The following STK32B variants were observed in gnomAD, a reference collection of about 807,000 sequenced individuals.
STK32B encodes serine/threonine-protein kinase 32B.
Under a neutral mutation model 52.6 loss-of-function variants are expected in STK32B, and 43 were observed. The ratio of observed to expected loss-of-function variants is 0.82; its 90% CI spans 0.64 to 1.05. STK32B has a LOEUF of 1.05. STK32B is among the 50% of genes least tolerant of loss of function. STK32B has a pLI of 0.00. For missense variants in STK32B, 621 were observed against 534.6 expected (o/e 1.16, Z -1.59); for synonymous variants, 238 against 204.3 (o/e 1.17, Z -1.41).
intron 5 of STK32B, among the ~76,000 whole-genome samples, chr4:5,412,972 ACTCCTTCCCTTTTT>A (rs1332843251): frequency 6.7e-6 from 1 of 150,020 alleles, no homozygotes; most frequent in African/African-American, 2.5e-5. Flanking sequence ...CTCCTTTCCT[ACTCCTTCCCTTTTT>A]CTCCCTGGCA....
intron 6 of STK32B, 47 bp from the exon 7 acceptor site, chr4:5,446,626 A>T (rs757781822): frequency 6.4e-7 from 1 of 1,552,036 alleles, no homozygotes; most frequent in African/African-American, 1.4e-5. Flanking sequence ...GGTGGTGGCC[A>T]TAAACTGGGA....
At chr4:5,117,021 T>A (rs1304852003) in intron 1 of STK32B, among the ~76,000 whole-genome samples, 4 of 152,262 alleles carry the variant, frequency 2.6e-5, no homozygotes, top group Non-Finnish European at 4.4e-5. Flanking sequence ...GGAATTCATT[T>A]GTTAGTTTTA....
intron 1 of STK32B, among the ~76,000 whole-genome samples, chr4:5,070,856 G>A (rs1711723363): frequency 6.6e-6 from 1 of 152,132 alleles, no homozygotes. Context: ...CACTCCCTTT[G>A]TATCCGGCGG....
intron 7 of STK32B, 145 bp from the exon 8 acceptor site, chr4:5,456,662 C>T: frequency 2.7e-6 from 2 of 733,658 alleles, no homozygotes; most frequent in Non-Finnish European, 2.1e-6. Flanking sequence ...GGGTTCGGGC[C>T]ACCTGCTCTG....
chr4:5,463,222 C>T (rs115391136), intron 9 of STK32B, among the ~76,000 whole-genome samples: 9 of 152,346 alleles, frequency 5.9e-5, no homozygotes, highest in Non-Finnish European at 1.2e-4. Context: ...GTGAGACTGG[C>T]GAAGGCTAAG....
At chr4:5,416,423 C>T (rs183616545) in intron 5 of STK32B, among the ~76,000 whole-genome samples, 1 of 152,240 alleles carries the variant, frequency 6.6e-6, no homozygotes, top group Admixed American at 6.5e-5. Context: ...TCTCCAATGA[C>T]CATAGCGGAC....
chr4:5,220,325 A>T (rs1231657267), intron 3 of STK32B, among the ~76,000 whole-genome samples: 7 of 152,246 alleles, frequency 4.6e-5, no homozygotes, highest in Admixed American at 4.6e-4. Context: ...CCCAGCTCTC[A>T]ATGAGATCAC....
At chr4:5,209,117 C>T (rs1722753509) in intron 3 of STK32B, among the ~76,000 whole-genome samples, 1 of 152,206 alleles carries the variant, frequency 6.6e-6, no homozygotes, top group African/African-American at 2.4e-5. Flanking sequence ...TGGAGAGATT[C>T]AGGTAACAGA....
intron 6 of STK32B, among the ~76,000 whole-genome samples, chr4:5,428,428 CAAAA>C (rs990578339): frequency 2.6e-5 from 4 of 151,854 alleles, no homozygotes; most frequent in African/African-American, 9.7e-5. Context: ...AACAAACAAA[CAAAA>C]AAACATTTTT....
At chr4:5,174,303 T>C (rs866720051) in intron 3 of STK32B, among the ~76,000 whole-genome samples, 7 of 152,326 alleles carry the variant, frequency 4.6e-5, no homozygotes, top group Middle Eastern at 6.8e-3. Flanking sequence ...CCATTTACAT[T>C]TAAGGTTAAT....
At chr4:5,046,214 C>T in the STK32B span, among the ~76,000 whole-genome samples, 18 of 152,146 alleles carry the variant, frequency 1.2e-4, no homozygotes, top group Admixed American at 1.2e-3. Context: ...TAACACCACA[C>T]ATCTACAACC....
At chr4:5,219,817 C>A (rs2108795046) in intron 3 of STK32B, among the ~76,000 whole-genome samples, 1 of 152,298 alleles carries the variant, frequency 6.6e-6, no homozygotes, top group African/African-American at 2.4e-5. Context: ...ATACGTTGGC[C>A]CTCAGGATCT....
At chr4:5,336,588 T>A (rs57469492) in intron 4 of STK32B, among the ~76,000 whole-genome samples, 47,739 of 152,098 alleles carry the variant, frequency 0.31, 11,771 homozygotes, top group African/African-American at 0.68. Flanking sequence ...TAAACATCAG[T>A]GCTCTTATGA....
At chr4:5,278,691 A>G (rs970694225) in intron 3 of STK32B, among the ~76,000 whole-genome samples, 5 of 152,296 alleles carry the variant, frequency 3.3e-5, no homozygotes, top group African/African-American at 4.8e-5. Context: ...TTCTAACACT[A>G]CTATAAAGAC....
chr4:5,299,666 T>C (rs1729428000), intron 3 of STK32B, among the ~76,000 whole-genome samples: 1 of 152,222 alleles, frequency 6.6e-6, no homozygotes, highest in Non-Finnish European at 1.5e-5. Flanking sequence ...TTTGTTACTG[T>C]AGCCTTGTGC....
chr4:5,500,455 A>T lies in STK32B; in HGVS notation c.*1372A>T, dbSNP rs1187341687. 6.6e-6 allele frequency: 1 copy of T among 152,140 alleles called. No individual in the cohort carries two copies. 9.4% of individuals were successfully genotyped at this position (152,140 alleles called of 1,614,324 possible). ...AGCAGGTCAGTTTTCTGTGCAAACA[A>T]ACCTGTTTAGGATTCTTCCAAATGT... is the stretch of plus-strand genomic sequence containing the variant. On this transcript the variant is annotated 3_prime_UTR_variant, in exon 12 of 12. Coordinates refer to ENST00000282908, the MANE Select transcript of STK32B (RefSeq NM_018401.3).
chr4:5,247,397 G>A (rs1725535806), intron 3 of STK32B, among the ~76,000 whole-genome samples: 2 of 152,240 alleles, frequency 1.3e-5, no homozygotes, highest in Admixed American at 1.3e-4. Flanking sequence ...ATCTCCTGGT[G>A]TACCGTTTGT....
At chr4:5,483,739 C>A (rs566229942) in intron 11 of STK32B, among the ~76,000 whole-genome samples, 1 of 152,036 alleles carries the variant, frequency 6.6e-6, no homozygotes, top group African/African-American at 2.4e-5. Context: ...CTATGAACTT[C>A]CCTCTACACA....
intron 3 of STK32B, among the ~76,000 whole-genome samples, chr4:5,298,838 CAA>C (rs35531404): frequency 1.5e-5 from 2 of 135,546 alleles, no homozygotes; most frequent in Non-Finnish European, 1.6e-5. Flanking sequence ...CTGGGGTATG[CAA>C]AAAAAAAAAA....
Sources: gnomAD v4.1 joint callset for allele counts (sites outside exome capture counted in the v4.1 genomes callset) on GRCh38, gnomAD v4.1.1 for gene constraint, MANE v1.5 for transcripts, NCBI Gene and HGNC (gene_info 2026-07-23, HGNC 2026-07-21) for gene names.